ZFAT: variants seen among roughly 807,000 people sequenced by gnomAD.
ZFAT encodes zinc finger protein ZFAT.
In ZFAT, 64 loss-of-function variants were observed where a neutral mutation model predicts 117.7. That is an observed-to-expected ratio of 0.54 (90% CI 0.44 to 0.67). The LOEUF is 0.67. ZFAT is among the 30% of genes least tolerant of loss of function. The probability of loss-of-function intolerance (pLI) is 0.00; values close to 1 mark genes in which losing one functional copy is unlikely to be tolerated. For synonymous variants in ZFAT, 679 were observed against 615.0 expected, an observed-to-expected ratio of 1.10 and a Z score of -1.54; for missense variants, 1,433 against 1,584.5, an observed-to-expected ratio of 0.90 and a Z score of 1.62.
At position 134,601,978 on chromosome 8, in the gene ZFAT, C is replaced by T. The variant is rs79599902; in HGVS notation, c.1741G>A (p.Val581Met). Reference sequence around the variant, plus strand: ...GAATGCAGGTCTGAGGAGGAGACCACGGTGGTTTCCAGCTCACAGGGTGGC... The same window carrying T: ...GAATGCAGGTCTGAGGAGGAGACCATGGTGGTTTCCAGCTCACAGGGTGGC... ...ALPPCELETT[V>M]VSSSDLHSQE... is the part of the protein sequence containing the mutation. Residue 581 changes from valine (V) to methionine (M), a missense_variant, in exon 6 of 16, where the codon GTG becomes ATG. This residue lies in a region of ZFAT where 372 missense variants were observed against 355.6 expected (regional missense o/e 1.05). Transcript: ENST00000377838. The T allele has an allele frequency of 1.1e-3, 1,834 of 1,613,730 alleles. 14 individuals are homozygous for T. The African/African-American group carries it at 0.021, about 18-fold the overall frequency.
upstream of ZFAT, among the ~76,000 whole-genome samples, chr8:134,714,920 C>T (rs1814190833): frequency 6.6e-6 from 1 of 152,184 alleles, no homozygotes; most frequent in South Asian, 2.1e-4. Context: ...GCCACCACGT[C>T]CTCCACCACA....
In ZFAT at chr8:134,699,947, A is replaced by C. The variant is rs528932732; in HGVS notation, c.19+12898T>G. On this transcript the variant is annotated intron_variant, in intron 1 of 15. Transcript: ENST00000377838. The stretch of plus-strand genomic sequence containing the variant: ...GTGGGGAGCTAAGTGGCATACAGGC[A>C]GTGGGGCCAAGGACAGCTGCAAGTC... 1.7e-4 allele frequency among the ~76,000 whole-genome samples: 26 copies of C among 152,340 alleles called. No homozygotes were observed. The South Asian group carries it at 3.9e-3, about 23-fold the overall frequency.
At chr8:134,666,249 G>A (rs1033386621) in intron 1 of ZFAT, among the ~76,000 whole-genome samples, 2 of 152,142 alleles carry the variant, frequency 1.3e-5, no homozygotes, top group Non-Finnish European at 2.9e-5. Context: ...GAGACTGAGT[G>A]GGGAACCTAA....
At chr8:134,631,673 G>A (rs1285036542) in intron 3 of ZFAT, among the ~76,000 whole-genome samples, 1 of 152,200 alleles carries the variant, frequency 6.6e-6, no homozygotes, top group East Asian at 1.9e-4. Context: ...GGGACAGGGT[G>A]CCTGGCCCTG....
intron 11 of ZFAT, among the ~76,000 whole-genome samples, chr8:134,537,135 G>A (rs1821901901): frequency 6.6e-6 from 1 of 152,208 alleles, no homozygotes; most frequent in South Asian, 2.1e-4. Context: ...GTTTTGCATG[G>A]ATTAATTCCT....
the ZFAT span, among the ~76,000 whole-genome samples, chr8:134,744,721 A>G: frequency 7.8e-6 from 1 of 128,708 alleles, no homozygotes. Flanking sequence ...GGAAGGGCCT[A>G]CTCTCCTTTT....
At position 134,535,070 on chromosome 8, in the gene ZFAT, C is replaced by T. The variant is rs886839391; in HGVS notation, c.2977-2098G>A. Among the ~76,000 whole-genome samples the T allele has an allele frequency of 7.6e-4, 116 of 152,336 alleles. 1 individual carries two copies. Among genetic ancestry groups the T allele is most frequent in the Non-Finnish European group, 4.1e-4 (28 of 68,030 alleles). ...TGACAGCTGTGACATTGTCATGCCACTGTCACCAGGTTCTGCCAGGGCTCA... is the reference window on the plus strand; with the variant it reads ...TGACAGCTGTGACATTGTCATGCCATTGTCACCAGGTTCTGCCAGGGCTCA... On this transcript the variant is annotated intron_variant, in intron 11 of 15. Transcript: ENST00000377838.
chr8:134,741,847 C>G, the ZFAT span, among the ~76,000 whole-genome samples: 1 of 151,656 alleles, frequency 6.6e-6, no homozygotes, highest in Non-Finnish European at 1.5e-5. Context: ...ACCTTTCCAC[C>G]AGTCACTTGA....
rs181237080 is a variant in ZFAT, at chr8:134,595,795, T to G, written c.2475+4641A>C. On this transcript the variant is annotated intron_variant, in intron 7 of 15. Coordinates refer to ENST00000377838, the MANE Select transcript of ZFAT (RefSeq NM_020863.4). Reference sequence around the variant, plus strand: ...TACACATTCTTTCCAATCATTAGGTTTATCCTTGGCTAATAAATGGCTCTA... The same window carrying G: ...TACACATTCTTTCCAATCATTAGGTGTATCCTTGGCTAATAAATGGCTCTA... Among the ~76,000 whole-genome samples, 8 of 152,342 alleles carry G rather than the reference T, an allele frequency of 5.3e-5. No homozygotes were observed. In the East Asian group the frequency reaches 1.5e-3, roughly 29 times the overall value.
chr8:134,499,409 G>A (rs1415770667), intron 15 of ZFAT, among the ~76,000 whole-genome samples: 4 of 148,776 alleles, frequency 2.7e-5, no homozygotes, highest in Non-Finnish European at 1.5e-5. Flanking sequence ...TGCCCCCGTT[G>A]CTGGTTACAC....
intron 1 of ZFAT, among the ~76,000 whole-genome samples, chr8:134,676,864 T>C (rs1052411265): frequency 2.0e-5 from 3 of 152,066 alleles, no homozygotes; most frequent in Non-Finnish European, 4.4e-5. Context: ...CATCACAAAA[T>C]GAAGGCAGAA....
intron 1 of ZFAT, among the ~76,000 whole-genome samples, chr8:134,698,783 C>A (rs1833940205): frequency 6.6e-6 from 1 of 152,284 alleles, no homozygotes; most frequent in African/African-American, 2.4e-5. Context: ...AAGAAGCAGT[C>A]ACCAAATCCC....
chr8:134,790,536 C>T, the ZFAT span, among the ~76,000 whole-genome samples: 1 of 152,184 alleles, frequency 6.6e-6, no homozygotes, highest in South Asian at 2.1e-4. Flanking sequence ...GCCTCAAAAA[C>T]TTCAGTGCGT....
chr8:134,574,394 G>A (rs1462336118), intron 10 of ZFAT, among the ~76,000 whole-genome samples: 7 of 151,986 alleles, frequency 4.6e-5, no homozygotes, highest in African/African-American at 1.7e-4. Flanking sequence ...CCAGCCTGGC[G>A]ACTTGGCACT....
At chr8:134,680,997 A>T (rs1303900009) in intron 1 of ZFAT, among the ~76,000 whole-genome samples, 1 of 152,228 alleles carries the variant, frequency 6.6e-6, no homozygotes, top group Non-Finnish European at 1.5e-5. Flanking sequence ...AAGACTCTGG[A>T]TCTTCTGGAA....
At chr8:134,775,264 G>C in the ZFAT span, among the ~76,000 whole-genome samples, 1 of 152,202 alleles carries the variant, frequency 6.6e-6, no homozygotes, top group Non-Finnish European at 1.5e-5. Context: ...CTTAGGGCCT[G>C]ATTATCTCTG....
chr8:134,760,427 A>G, the ZFAT span, among the ~76,000 whole-genome samples: 1 of 152,234 alleles, frequency 6.6e-6, no homozygotes, highest in Non-Finnish European at 1.5e-5. Context: ...GGCCCAGATT[A>G]CAAGGGATTA....
chr8:134,770,496 T>G, the ZFAT span, among the ~76,000 whole-genome samples: 2 of 152,230 alleles, frequency 1.3e-5, no homozygotes, highest in Non-Finnish European at 1.5e-5. Context: ...TACTTTAATC[T>G]CTTAATCCTG....
At chr8:134,511,586 C>T (rs6988595) in intron 14 of ZFAT, among the ~76,000 whole-genome samples, 11,847 of 152,204 alleles carry the variant, frequency 0.078, 594 homozygotes, top group African/African-American at 0.15. Context: ...GTCTTTCTAA[C>T]TCCTATTTCC....
Sources: gnomAD v4.1 joint callset for allele counts (sites outside exome capture counted in the v4.1 genomes callset) on GRCh38, gnomAD v4.1.1 for gene constraint, gnomAD v4.1.1 regional missense constraint, MANE v1.5 for transcripts, NCBI Gene and HGNC (gene_info 2026-07-23, HGNC 2026-07-21) for gene names.